Variants in ZMIZ1 observed in about 807,000 individuals in gnomAD.
ZMIZ1 encodes the protein zinc finger MIZ domain-containing protein 1.
A neutral mutation model predicts 113.9 loss-of-function variants in ZMIZ1; 17 were observed. The ratio of observed to expected loss-of-function variants is 0.15; its 90% CI spans 0.10 to 0.22. ZMIZ1 has a LOEUF of 0.22. Among genes scored for constraint, ZMIZ1 ranks in the 10% least tolerant of loss-of-function variants. ZMIZ1 has a pLI of 1.00. For synonymous variants in ZMIZ1, 607 were observed against 603.1 expected (o/e 1.01, Z -0.09); for missense variants, 1,059 against 1,477.8 (o/e 0.72, Z 4.65).
intron 4 of ZMIZ1, among the ~76,000 whole-genome samples, chr10:79,194,194 C>A (rs1022776009): frequency 1.8e-4 from 28 of 152,222 alleles, no homozygotes; most frequent in Non-Finnish European, 4.1e-4. Context: ...CACAGCTCCC[C>A]GGGGACCCCC....
At chr10:79,281,048 C>G (rs1184778426) in intron 8 of ZMIZ1, among the ~76,000 whole-genome samples, 2 of 152,192 alleles carry the variant, frequency 1.3e-5, no homozygotes, top group African/African-American at 4.8e-5. Flanking sequence ...AAAGTTGTTG[C>G]TTATGGTGGG....
chr10:79,133,598 C>A (rs573753664), intron 2 of ZMIZ1, among the ~76,000 whole-genome samples: 4 of 152,266 alleles, frequency 2.6e-5, no homozygotes, highest in African/African-American at 7.2e-5. Flanking sequence ...CCATTCCTAG[C>A]GACGCATGCC....
intron 7 of ZMIZ1, among the ~76,000 whole-genome samples, chr10:79,272,079 G>C (rs989331213): frequency 2.0e-5 from 3 of 152,070 alleles, no homozygotes; most frequent in Non-Finnish European, 1.5e-5. Flanking sequence ...AACCAGCCTG[G>C]CCAACATGGC....
intron 15 of ZMIZ1, 151 bp downstream of exon 15, chr10:79,298,731 C>T (rs1165214398): frequency 1.3e-5 from 10 of 792,220 alleles, no homozygotes; most frequent in Non-Finnish European, 1.5e-5. Context: ...ACACTCAAGG[C>T]GGGGTAGGCA....
chr10:79,221,038 A>G (rs1848944377), intron 7 of ZMIZ1, among the ~76,000 whole-genome samples: 1 of 152,088 alleles, frequency 6.6e-6, no homozygotes, highest in Non-Finnish European at 1.5e-5. Context: ...GTGTATATGT[A>G]CATGCCTATC....
intron 3 of ZMIZ1, among the ~76,000 whole-genome samples, chr10:79,153,563 A>G (rs1233820272): frequency 6.6e-6 from 1 of 152,214 alleles, no homozygotes; most frequent in Non-Finnish European, 1.5e-5. Flanking sequence ...GCAGACCACC[A>G]CTGGCTGTCC....
Position 79,289,866 on chromosome 10 carries a change from G to A in ZMIZ1, c.517G>A (p.Val173Ile). ...TTCCGTGGTCACCACGGTTTGGGGAGTAACCAACACATCCCAGAGCCAGGT... is the reference window on the plus strand; with the variant it reads ...TTCCGTGGTCACCACGGTTTGGGGAATAACCAACACATCCCAGAGCCAGGT... ...SLSVVTTVWG[V>I]TNTSQSQVLG... is the part of the protein sequence containing the mutation. The change falls in exon 9 of 25, where the codon GTA becomes ATA. Residue 173 changes from valine to isoleucine, a missense_variant. Val to Ile is a conservative substitution (Grantham distance 29). Around this residue, in one of 6 missense-constraint regions of ZMIZ1, gnomAD observed 272 missense variants for 350.4 expected, o/e 0.78. Transcript: ENST00000334512. 6.2e-7 allele frequency: 1 copy of A among 1,614,056 alleles called. No homozygotes were observed. The highest frequency in any genetic ancestry group is 8.5e-7 in the Non-Finnish European group (1 of 1,179,900).
chr10:79,186,373 T>C (rs1256530452), intron 4 of ZMIZ1, among the ~76,000 whole-genome samples: 1 of 152,248 alleles, frequency 6.6e-6, no homozygotes. Flanking sequence ...CCGGGGTTTT[T>C]CACCGGCCCC....
At position 79,113,879 on chromosome 10, in the gene ZMIZ1, C is replaced by G. The variant is rs574302673; in HGVS notation, c.-336-5036C>G. Among the ~76,000 whole-genome samples the G allele has an allele frequency of 3.2e-4, 48 of 152,200 alleles. No individual in the cohort carries two copies. The South Asian group carries it at 1.0e-2, about 32-fold the overall frequency. On this transcript the variant is annotated intron_variant, in intron 1 of 24. Coordinates refer to ENST00000334512, the MANE Select transcript of ZMIZ1 (RefSeq NM_020338.4). ...TGTGTAGGTGCCTTGAGGCTTTTTT[C>G]TTTGTGGGTCCTACAGGCCTGATGT...
chr10:79,247,677 T>A, intron 7 of ZMIZ1, among the ~76,000 whole-genome samples: 1 of 152,214 alleles, frequency 6.6e-6, no homozygotes, highest in East Asian at 1.9e-4. Flanking sequence ...GCAGTGGTGC[T>A]GCTTTGTGTG....
chr10:79,257,879 GC>G (rs1457313091), intron 7 of ZMIZ1, among the ~76,000 whole-genome samples: 1 of 152,214 alleles, frequency 6.6e-6, no homozygotes, highest in Non-Finnish European at 1.5e-5. Context: ...TCAGACAATA[GC>G]CCTACATCCT....
intron 4 of ZMIZ1, among the ~76,000 whole-genome samples, chr10:79,177,278 G>A (rs896397594): frequency 3.3e-5 from 5 of 151,906 alleles, no homozygotes; most frequent in African/African-American, 1.2e-4. Flanking sequence ...TTTCAAGTCT[G>A]TGTTTCCACT....
chr10:79,270,461 C>T (rs1280412655), intron 7 of ZMIZ1, among the ~76,000 whole-genome samples: 2 of 152,212 alleles, frequency 1.3e-5, no homozygotes, highest in African/African-American at 4.8e-5. Context: ...CACTGGGTCC[C>T]ATTTATAGAA....
chr10:79,277,291 T>A lies in ZMIZ1; in HGVS notation c.391T>A (p.Ser131Thr). The A allele has an allele frequency of 6.2e-7, 1 of 1,600,814 alleles. No individual in the cohort carries two copies. Among genetic ancestry groups the A allele is most frequent in the Non-Finnish European group, 8.5e-7 (1 of 1,174,292 alleles). ...ACTCCCCATGCAGCCCCCTCTCAGC[T>A]CCATGAGCTCCATGAAACCCACTCT... Reference protein sequence around the residue: ...GKLPMQPPLSSMSSMKPTLSH... With the variant: ...GKLPMQPPLSTMSSMKPTLSH... The change falls in exon 8 of 25, where the codon TCC becomes ACC. Residue 131 changes from serine to threonine, a missense_variant. Around this residue, in one of 6 missense-constraint regions of ZMIZ1, gnomAD observed 272 missense variants for 350.4 expected, o/e 0.78. Coordinates refer to ENST00000334512, the MANE Select transcript of ZMIZ1 (RefSeq NM_020338.4).
chr10:79,116,055 A>G (rs1327667706), intron 1 of ZMIZ1, among the ~76,000 whole-genome samples: 2 of 152,192 alleles, frequency 1.3e-5, no homozygotes, highest in Non-Finnish European at 2.9e-5. Context: ...TTTACTGGGC[A>G]TCATGGCTTA....
intron 7 of ZMIZ1, among the ~76,000 whole-genome samples, chr10:79,239,767 C>A (rs909588972): frequency 6.6e-5 from 10 of 152,100 alleles, no homozygotes; most frequent in Non-Finnish European, 1.2e-4. Flanking sequence ...TCCTAGGTGG[C>A]TTGATTCTTT....
chr10:79,238,744 T>C (rs904640403), intron 7 of ZMIZ1, among the ~76,000 whole-genome samples: 1 of 152,228 alleles, frequency 6.6e-6, no homozygotes, highest in African/African-American at 2.4e-5. Context: ...ATTTAAACCC[T>C]TGGGCAAATT....
At chr10:79,088,711 G>A (rs1251266275) in intron 1 of ZMIZ1, among the ~76,000 whole-genome samples, 1 of 152,212 alleles carries the variant, frequency 6.6e-6, no homozygotes, top group African/African-American at 2.4e-5. Flanking sequence ...TGCTTTCTGG[G>A]ACTTGGGGAA....
intron 7 of ZMIZ1, among the ~76,000 whole-genome samples, chr10:79,266,753 G>C (rs1445108855): frequency 2.0e-5 from 3 of 152,188 alleles, no homozygotes; most frequent in South Asian, 4.1e-4. Flanking sequence ...CTGGCAGGGA[G>C]GAGGCCCCTT....
Sources: allele counts gnomAD v4.1 joint callset (sites outside exome capture counted in the v4.1 genomes callset), GRCh38; gene constraint gnomAD v4.1.1; regional missense constraint gnomAD v4.1.1; transcripts MANE v1.5; gene names NCBI Gene and HGNC (gene_info 2026-07-23, HGNC 2026-07-21).